KDM2B: variants seen among roughly 807,000 people sequenced by gnomAD.
KDM2B encodes lysine demethylase 2B.
A neutral mutation model predicts 150.0 loss-of-function variants in KDM2B; 26 were observed. The observed-to-expected ratio is 0.17, with a 90% CI of 0.13 to 0.24. The LOEUF (loss-of-function observed/expected upper bound fraction) is 0.24, where lower values mean the gene tolerates loss of function less well. Ranked by LOEUF, KDM2B falls within the 10% of genes least tolerant of loss-of-function variation. The pLI is 1.00. For missense variants in KDM2B, 1,265 were observed against 1,816.9 expected (o/e 0.70, Z 5.52); for synonymous variants, 734 against 729.5 (o/e 1.01, Z -0.10).
Position 121,521,105 on chromosome 12 carries a change from G to T in KDM2B, c.932-5C>A. 1.9e-6 allele frequency: 3 copies of T among 1,606,144 alleles called. No homozygotes were observed. Among genetic ancestry groups the T allele is most frequent in the Non-Finnish European group, 2.6e-6 (3 of 1,173,102 alleles). On this transcript the variant is annotated splice_region_variant and splice_polypyrimidine_tract_variant and intron_variant, in intron 8 of 22. Coordinates refer to ENST00000377071, the MANE Select transcript of KDM2B (RefSeq NM_032590.5). This position sits in a 1 kb window ranked among gnomAD's most constrained non-coding sequence, Gnocchi z 4.9. ...TGTAGACGGCATGGATCCAACCTGG[G>T]GTGGGAAGGGCAAGGAGAGGATGAG...
intron 8 of KDM2B, among the ~76,000 whole-genome samples, chr12:121,529,181 A>T (rs1887416403): frequency 6.6e-6 from 1 of 152,252 alleles, no homozygotes; most frequent in South Asian, 2.1e-4. Context: ...TAACATACAC[A>T]TGTCGATAAA....
chr12:121,437,700 C>A (rs1366127064), intron 22 of KDM2B, among the ~76,000 whole-genome samples: 1 of 152,130 alleles, frequency 6.6e-6, no homozygotes, highest in East Asian at 1.9e-4. Context: ...TGGAATTCGG[C>A]CAGAACAATA....
intron 6 of KDM2B, among the ~76,000 whole-genome samples, chr12:121,545,362 G>A (rs1182774564): frequency 6.6e-6 from 1 of 151,532 alleles, no homozygotes; most frequent in African/African-American, 2.4e-5. Context: ...AACTGGCAGT[G>A]TGTGCACAGT....
At chr12:121,547,738 G>A (rs1889179055) in intron 6 of KDM2B, among the ~76,000 whole-genome samples, 1 of 148,986 alleles carries the variant, frequency 6.7e-6, no homozygotes, top group Non-Finnish European at 1.5e-5. Flanking sequence ...CGCCTCCCAG[G>A]TTCAAGCAAT....
intron 8 of KDM2B, among the ~76,000 whole-genome samples, chr12:121,528,498 G>T (rs1273845362): frequency 3.3e-5 from 5 of 151,890 alleles, no homozygotes; most frequent in African/African-American, 1.2e-4. Flanking sequence ...GGTGGAGGTT[G>T]CAGTGAGTCG....
chr12:121,435,906 T>G (rs1179385896), intron 22 of KDM2B, among the ~76,000 whole-genome samples: 2 of 152,072 alleles, frequency 1.3e-5, no homozygotes, highest in African/African-American at 2.4e-5. Context: ...GCCCAGAGCT[T>G]CTGATCACCC....
Position 121,549,496 on chromosome 12 carries a change from G to A in KDM2B, c.540C>T (p.His180=). ...GCTTGACCAAGTGCTCCAGCTTGGT[G>A]TGGCTGAACTCTAGGCTGATGACGT... ...LYNVISLEFS[H]TKLEHLVKRP... is the part of the protein sequence containing the mutation. The change falls in exon 5 of 23, where the codon CAC becomes CAT. Residue 180 remains histidine, a synonymous_variant. Coordinates refer to ENST00000377071, the MANE Select transcript of KDM2B (RefSeq NM_032590.5). This position sits in a 1 kb window ranked among gnomAD's most constrained non-coding sequence, Gnocchi z 4.4. The A allele has an allele frequency of 1.2e-6, 2 of 1,610,008 alleles. No individual in the cohort carries two copies. The highest frequency in any genetic ancestry group is 1.7e-6 in the Non-Finnish European group (2 of 1,176,858).
chr12:121,453,068 C>A lies in KDM2B; in HGVS notation c.1959+52G>T. 1 of 1,464,484 alleles carries A rather than the reference C, an allele frequency of 6.8e-7. No individual in the cohort carries two copies. The highest frequency in any genetic ancestry group is 9.2e-7 in the Non-Finnish European group (1 of 1,089,566). 90.7% of individuals were successfully genotyped at this position (1,464,484 alleles called of 1,614,324 possible). ...GCGAGCAGCGGTCAGACACGCGGGCCGGCACGCAGGGGCCTGAATCGAGCG... is the reference window on the plus strand; with the variant it reads ...GCGAGCAGCGGTCAGACACGCGGGCAGGCACGCAGGGGCCTGAATCGAGCG... On this transcript the variant is annotated intron_variant, in intron 13 of 22. Transcript: ENST00000377071. This position sits in a 1 kb window ranked among gnomAD's most constrained non-coding sequence, Gnocchi z 6.4.
At chr12:121,546,120 C>A (rs933974774) in intron 6 of KDM2B, among the ~76,000 whole-genome samples, 42 of 152,156 alleles carry the variant, frequency 2.8e-4, no homozygotes, top group African/African-American at 9.9e-4. Context: ...TCTGTCTCCC[C>A]CATACACTGT....
chr12:121,442,375 G>C lies in KDM2B; in HGVS notation c.3066C>G (p.Val1022=), dbSNP rs1555288612. 1 of 1,572,542 alleles carries C rather than the reference G, an allele frequency of 6.4e-7. No homozygotes were observed. Among genetic ancestry groups the C allele is most frequent in the South Asian group, 1.1e-5 (1 of 88,214 alleles). The change falls in exon 19 of 23, where the codon GTC becomes GTG. Residue 1022 remains valine, a synonymous_variant. Coordinates refer to ENST00000377071, the MANE Select transcript of KDM2B (RefSeq NM_032590.5). This position sits in a 1 kb window ranked among gnomAD's most constrained non-coding sequence, Gnocchi z 7.7. ...LGPSLRSPPR[V]ISRPPPSVSP... ...ACACGGAGGGTGGGGGCCGGGAGAT[G>C]ACACGGGGCGGGCTGCGCAGGCTGG...
At chr12:121,481,768 T>TTTGA (rs1473301309) in intron 12 of KDM2B, among the ~76,000 whole-genome samples, 1 of 149,160 alleles carries the variant, frequency 6.7e-6, no homozygotes, top group Non-Finnish European at 1.5e-5. Context: ...GTTTTTTTTG[T>TTTGA]TTGTTTGTTT....
chr12:121,537,714 G>C lies in KDM2B; in HGVS notation c.684-3124C>G, dbSNP rs1555308985. On this transcript the variant is annotated intron_variant, in intron 6 of 22. Transcript: ENST00000377071. This position sits in a 1 kb window ranked among gnomAD's most constrained non-coding sequence, Gnocchi z 8.7. ...AGGCGTCCCCGTGGGGAAAGGGCCG[G>C]GAGGGGCGCCGGAACGCTGACACCC... The C allele has an allele frequency of 6.6e-6, 1 of 152,120 alleles. No individual in the cohort carries two copies. The highest frequency in any genetic ancestry group is 1.5e-5 in the Non-Finnish European group (1 of 68,000). 9.4% of individuals were successfully genotyped at this position (152,120 alleles called of 1,614,324 possible).
rs782766176 is a variant in KDM2B, at chr12:121,441,000, G to T, written c.3449-23C>A. The T allele has an allele frequency of 1.9e-6, 3 of 1,612,818 alleles. No homozygotes were observed. The South Asian group carries it at 3.3e-5, about 18-fold the overall frequency. The stretch of plus-strand genomic sequence containing the variant: ...GCCCTGGGGGGACATAGAAAAGGGT[G>T]AAGGTCAGGGGATGTGTCCCCAGCC... On this transcript the variant is annotated intron_variant, in intron 20 of 22. Transcript: ENST00000377071.
chr12:121,489,939 C>T lies in KDM2B; in HGVS notation c.1734+4640G>A, dbSNP rs182117078. The stretch of plus-strand genomic sequence containing the variant: ...AGGACCCTGAGTAGGTGGCAATACA[C>T]GACAGCCATTATTGCCAGCCTCCTC... On this transcript the variant is annotated intron_variant, in intron 12 of 22. Transcript: ENST00000377071. Among the ~76,000 whole-genome samples, 272 of 152,296 alleles carry T rather than the reference C, an allele frequency of 1.8e-3. 6 individuals carry two copies. In the East Asian group the frequency reaches 0.047, roughly 27 times the overall value.
At position 121,452,642 on chromosome 12, in the gene KDM2B, C is replaced by T. The variant is rs555055872; in HGVS notation, c.1959+478G>A. On this transcript the variant is annotated intron_variant, in intron 13 of 22. Transcript: ENST00000377071. The surrounding 1 kb of genome is among the most constrained non-coding windows in gnomAD (Gnocchi z 4.4). ...CCCTGTCTGGGGACGAGACCAGCGG[C>T]GCGGGGCCACTGCCGGAGCTGAGGC... is the stretch of plus-strand genomic sequence containing the variant. 3.3e-5 allele frequency among the ~76,000 whole-genome samples: 5 copies of T among 152,252 alleles called. No homozygotes were observed. Among genetic ancestry groups the T allele is most frequent in the Non-Finnish European group, 5.9e-5 (4 of 68,044 alleles).
At chr12:121,534,150 C>T (rs559249859) in intron 7 of KDM2B, among the ~76,000 whole-genome samples, 4 of 152,230 alleles carry the variant, frequency 2.6e-5, no homozygotes, top group East Asian at 3.9e-4. Context: ...GAGATCGAGA[C>T]CATCCTGGCT....
intron 2 of KDM2B, among the ~76,000 whole-genome samples, chr12:121,576,149 G>A (rs868913085): frequency 6.6e-6 from 1 of 152,132 alleles, no homozygotes; most frequent in African/African-American, 2.4e-5. Context: ...AGCGAGGGTT[G>A]GGGAGGAAGA....
chr12:121,507,273 A>G (rs2140804917), intron 11 of KDM2B, among the ~76,000 whole-genome samples: 1 of 152,112 alleles, frequency 6.6e-6, no homozygotes, highest in African/African-American at 2.4e-5. Context: ...CAGGGGTAGG[A>G]CAATCACTTG....
intron 6 of KDM2B, among the ~76,000 whole-genome samples, chr12:121,546,103 AT>A (rs1889017683): frequency 6.6e-6 from 1 of 152,012 alleles, no homozygotes; most frequent in African/African-American, 2.4e-5. Flanking sequence ...TGATTACTGG[AT>A]TTACATCTGT....
Sources: allele counts gnomAD v4.1 joint callset (sites outside exome capture counted in the v4.1 genomes callset), GRCh38; gene constraint gnomAD v4.1.1; non-coding constraint Gnocchi (gnomAD v3.1); transcripts MANE v1.5; gene names NCBI Gene and HGNC (gene_info 2026-07-23, HGNC 2026-07-21).